DTNA: variants seen among roughly 807,000 people sequenced by gnomAD.
The protein encoded by DTNA is dystrophin-related protein 3.
In DTNA, 43 loss-of-function variants were observed where a neutral mutation model predicts 100.7. The observed-to-expected ratio is 0.43, with a 90% CI of 0.33 to 0.55. DTNA has a LOEUF of 0.55. Ranked by LOEUF, DTNA falls within the 20% of genes least tolerant of loss-of-function variation. The pLI is 0.04. For missense variants in DTNA, 798 were observed against 953.9 expected, an observed-to-expected ratio of 0.84 and a Z score of 2.15; for synonymous variants, 349 against 347.9, an observed-to-expected ratio of 1.00 and a Z score of -0.04.
chr18:34,537,305 A>C (rs2043811893), intron 1 of DTNA, among the ~76,000 whole-genome samples: 1 of 151,932 alleles, frequency 6.6e-6, no homozygotes, highest in Admixed American at 6.6e-5. Flanking sequence ...CAACTGTCTT[A>C]CTCTTTCTTG....
intron 1 of DTNA, among the ~76,000 whole-genome samples, chr18:34,499,442 C>T (rs1047343840): frequency 1.3e-5 from 2 of 152,106 alleles, no homozygotes; most frequent in Non-Finnish European, 2.9e-5. Flanking sequence ...ACTAAAACTA[C>T]GATAGACGTT....
intron 1 of DTNA, among the ~76,000 whole-genome samples, chr18:34,511,653 A>C (rs1439361063): frequency 6.6e-6 from 1 of 152,058 alleles, no homozygotes; most frequent in Admixed American, 6.6e-5. Flanking sequence ...GGGTGGATCA[A>C]GGGTGATATC....
At position 34,846,984 on chromosome 18, in the gene DTNA, G is replaced by T. The variant is rs115259356; in HGVS notation, c.1347-1312G>T. On this transcript the variant is annotated intron_variant, in intron 13 of 22. Transcript: ENST00000444659. ...CGTAAGTATAAGAACTGATGCAGAA[G>T]AATATAAGTATGTTTATGAATGAGA... Among the ~76,000 whole-genome samples the T allele has an allele frequency of 8.3e-3, 1,256 of 152,242 alleles. 19 individuals are homozygous for T. Among genetic ancestry groups the T allele is most frequent in the African/African-American group, 0.027 (1,133 of 41,552 alleles).
intron 2 of DTNA, among the ~76,000 whole-genome samples, chr18:34,764,598 A>G (rs1246824872): frequency 2.0e-5 from 3 of 152,220 alleles, no homozygotes; most frequent in Non-Finnish European, 1.5e-5. Flanking sequence ...CCACAAAGTA[A>G]TAGGACTATT....
chr18:34,694,821 A>G (rs185820181), intron 1 of DTNA, among the ~76,000 whole-genome samples: 1 of 152,118 alleles, frequency 6.6e-6, no homozygotes, highest in Admixed American at 6.6e-5. Context: ...TGGCAGCAAA[A>G]CAGCACTAGT....
intron 9 of DTNA, chr18:34,825,404 C>T: frequency 2.6e-6 from 3 of 1,169,304 alleles, no homozygotes; most frequent in Non-Finnish European, 3.8e-6. Flanking sequence ...GCTGTACACT[C>T]AGTTCACAAG....
intron 1 of DTNA, among the ~76,000 whole-genome samples, chr18:34,751,943 G>T (rs1443860591): frequency 6.6e-6 from 1 of 152,192 alleles, no homozygotes; most frequent in African/African-American, 2.4e-5. Flanking sequence ...TAAATGAATG[G>T]ATGGGTTCTT....
intron 1 of DTNA, among the ~76,000 whole-genome samples, chr18:34,669,677 C>T (rs2076467687): frequency 2.6e-5 from 4 of 152,160 alleles, no homozygotes; most frequent in African/African-American, 9.7e-5. Flanking sequence ...ATTTCCCCTT[C>T]ACTTATGAAG....
intron 1 of DTNA, among the ~76,000 whole-genome samples, chr18:34,665,317 T>C (rs889107812): frequency 2.6e-5 from 4 of 152,204 alleles, no homozygotes; most frequent in Non-Finnish European, 4.4e-5. Flanking sequence ...GCTAAGAATT[T>C]GTCAATGAAA....
At chr18:34,814,786 C>T (rs928682871) in intron 6 of DTNA, among the ~76,000 whole-genome samples, 2 of 152,074 alleles carry the variant, frequency 1.3e-5, no homozygotes, top group Non-Finnish European at 2.9e-5. Flanking sequence ...ATCCTATAGA[C>T]TGTTCTGTTA....
At chr18:34,798,495 C>T (rs1190323729) in intron 4 of DTNA, among the ~76,000 whole-genome samples, 5 of 152,146 alleles carry the variant, frequency 3.3e-5, no homozygotes, top group Admixed American at 1.3e-4. Flanking sequence ...ACTCCTCTCA[C>T]CTTCTCCCTG....
At chr18:34,867,441 A>G (rs2096717855) in intron 17 of DTNA, 3 of 1,225,430 alleles carry the variant, frequency 2.4e-6, no homozygotes, top group Non-Finnish European at 3.0e-6. Flanking sequence ...AGCCTGTATA[A>G]TTGCCCATGA....
intron 1 of DTNA, among the ~76,000 whole-genome samples, chr18:34,711,384 T>A (rs1486642307): frequency 1.3e-5 from 2 of 152,212 alleles, no homozygotes; most frequent in Non-Finnish European, 2.9e-5. Context: ...ATATTAGGAT[T>A]TACTCTAATT....
chr18:34,614,903 T>G (rs1460369430), intron 1 of DTNA, among the ~76,000 whole-genome samples: 1 of 152,250 alleles, frequency 6.6e-6, no homozygotes, highest in East Asian at 1.9e-4. Context: ...AAAGAAGTTC[T>G]ACTTTGGGTA....
chr18:34,722,025 C>T (rs1478528042), intron 1 of DTNA, among the ~76,000 whole-genome samples: 1 of 152,138 alleles, frequency 6.6e-6, no homozygotes, highest in Non-Finnish European at 1.5e-5. Flanking sequence ...GCTATTTGAG[C>T]TCCCCTTTCC....
chr18:34,605,633 G>GCACACACACACA (rs3078088), intron 1 of DTNA, among the ~76,000 whole-genome samples: 10 of 142,330 alleles, frequency 7.0e-5, no homozygotes, highest in East Asian at 2.2e-4. Context: ...TGCAACTCAG[G>GCACACACACACA]CACACACACA....
chr18:34,515,037 G>C (rs1256735958), intron 1 of DTNA, among the ~76,000 whole-genome samples: 1 of 151,496 alleles, frequency 6.6e-6, no homozygotes, highest in East Asian at 1.9e-4. Context: ...TTGGGGGTTT[G>C]TTTAGTTCAG....
At chr18:34,515,864 C>T (rs1003562297) in intron 1 of DTNA, among the ~76,000 whole-genome samples, 5 of 152,100 alleles carry the variant, frequency 3.3e-5, no homozygotes, top group Admixed American at 1.3e-4. Context: ...AGGATCATGA[C>T]GTGCTTGTGG....
At chr18:34,528,917 A>G (rs1251861621) in intron 1 of DTNA, among the ~76,000 whole-genome samples, 1 of 152,084 alleles carries the variant, frequency 6.6e-6, no homozygotes, top group African/African-American at 2.4e-5. Context: ...ACCCTGCTCT[A>G]TAGGTTGTAA....
Sources: gnomAD v4.1 joint callset for allele counts (sites outside exome capture counted in the v4.1 genomes callset) on GRCh38, gnomAD v4.1.1 for gene constraint, MANE v1.5 for transcripts, NCBI Gene and HGNC (gene_info 2026-07-23, HGNC 2026-07-21) for gene names.